The following ZNF680 variants were observed in gnomAD, a reference collection of about 807,000 sequenced individuals.
ZNF680 encodes zinc finger protein 680.
A neutral mutation model predicts 12.1 loss-of-function variants in ZNF680; 6 were observed. That is an observed-to-expected ratio of 0.49 (90% CI 0.27 to 0.98). The LOEUF (loss-of-function observed/expected upper bound fraction) is 0.98, where lower values mean the gene tolerates loss of function less well. Among genes scored for constraint, ZNF680 ranks in the 50% least tolerant of loss-of-function variants. ZNF680 has a pLI of 0.12. For missense variants in ZNF680, 561 were observed against 616.3 expected (o/e 0.91, Z 0.95); for synonymous variants, 170 against 199.3 (o/e 0.85, Z 1.24).
chr7:64,554,343 G>A (rs1434080294), intron 1 of ZNF680, among the ~76,000 whole-genome samples: 1 of 151,842 alleles, frequency 6.6e-6, no homozygotes, highest in Non-Finnish European at 1.5e-5. Flanking sequence ...GAGCTCCTCC[G>A]CCTGGCAGCC....
intron 1 of ZNF680, among the ~76,000 whole-genome samples, chr7:64,553,684 T>G (rs1787207453): frequency 6.6e-6 from 1 of 152,188 alleles, no homozygotes; most frequent in South Asian, 2.1e-4. Context: ...GCAACCTCCC[T>G]GCCTGATTCT....
chr7:64,541,983 T>C (rs1786530625), intron 3 of ZNF680, among the ~76,000 whole-genome samples: 1 of 152,112 alleles, frequency 6.6e-6, no homozygotes, highest in African/African-American at 2.4e-5. Context: ...GCCATACTCA[T>C]CCACATTCTG....
At chr7:64,516,382 G>A (rs575559548), downstream of ZNF680, among the ~76,000 whole-genome samples, 2 of 152,308 alleles carry the variant, frequency 1.3e-5, no homozygotes, top group East Asian at 1.9e-4. Flanking sequence ...AATAGCTCCT[G>A]TAGGACCTGG....
the ZNF680 span, among the ~76,000 whole-genome samples, chr7:64,510,924 A>T: frequency 0.017 from 743 of 44,866 alleles, 152 homozygotes; most frequent in African/African-American, 0.1. Context: ...AAAAAAAATA[A>T]AAAATAAAAA....
the ZNF680 span, chr7:64,501,393 T>C: frequency 8.6e-7 from 1 of 1,167,062 alleles, no homozygotes; most frequent in Non-Finnish European, 1.3e-6. Flanking sequence ...TGAAAGGAGA[T>C]GACCTTTAGG....
At chr7:64,534,020 T>C (rs1584368693) in intron 3 of ZNF680, among the ~76,000 whole-genome samples, 1 of 152,306 alleles carries the variant, frequency 6.6e-6, no homozygotes. Context: ...AAACTCAAGA[T>C]AGATTAAGGA....
intron 3 of ZNF680, 127 bp from the exon 4 acceptor site, chr7:64,522,627 T>C (rs1791609056): frequency 5.5e-6 from 4 of 725,296 alleles, no homozygotes; most frequent in Non-Finnish European, 7.6e-6. Context: ...TAAAAAATCC[T>C]AAAAGTTAAA....
At chr7:64,539,487 G>A (rs1292505951) in intron 3 of ZNF680, among the ~76,000 whole-genome samples, 1 of 150,934 alleles carries the variant, frequency 6.6e-6, no homozygotes. Context: ...GATATCTTAA[G>A]TAGTCACACT....
chr7:64,512,242 G>C, the ZNF680 span, among the ~76,000 whole-genome samples: 1 of 151,754 alleles, frequency 6.6e-6, no homozygotes, highest in Non-Finnish European at 1.5e-5. Context: ...AAGGTCAAGA[G>C]ATCGAGATCA....
Position 64,563,005 on chromosome 7 carries a change from G to C in ZNF680, c.-51C>G, listed in dbSNP as rs1454345682. 1 of 1,603,720 alleles carries C rather than the reference G, an allele frequency of 6.2e-7. No homozygotes were observed. Among genetic ancestry groups the C allele is most frequent in the Admixed American group, 1.7e-5 (1 of 59,896 alleles). On this transcript the variant is annotated 5_prime_UTR_variant, in exon 1 of 4. Transcript: ENST00000309683. ...GCAGATAACGGAGTCACAGAGGCTG[G>C]GCCTCTAGGAGCAGAATACACAGAG...
intron 1 of ZNF680, among the ~76,000 whole-genome samples, chr7:64,560,531 GC>G (rs1159380943): frequency 6.6e-6 from 1 of 152,184 alleles, no homozygotes; most frequent in Non-Finnish European, 1.5e-5. Flanking sequence ...ACCCAGCTAG[GC>G]TGGGTGCGGT....
At chr7:64,555,345 CA>C (rs34359779) in intron 1 of ZNF680, among the ~76,000 whole-genome samples, 30,612 of 147,628 alleles carry the variant, frequency 0.21, 3,403 homozygotes, top group South Asian at 0.29. Context: ...AATTCAATAC[CA>C]AAAAAAAAAA....
At chr7:64,537,471 T>G (rs914796234) in intron 3 of ZNF680, among the ~76,000 whole-genome samples, 2 of 151,870 alleles carry the variant, frequency 1.3e-5, no homozygotes, top group African/African-American at 2.4e-5. Flanking sequence ...AATAGCACAG[T>G]TTTTTTTACA....
At chr7:64,560,827 C>T (rs1436753964) in intron 1 of ZNF680, 1 of 149,274 alleles carries the variant, frequency 6.7e-6, no homozygotes, top group Non-Finnish European at 1.5e-5. Flanking sequence ...AAAAAAATTA[C>T]CCAGCCGTAA....
chr7:64,521,366 T>C lies in ZNF680; in HGVS notation c.1388A>G (p.Lys463Arg), dbSNP rs779682068. The C allele has an allele frequency of 1.2e-6, 2 of 1,613,590 alleles. No individual in the cohort carries two copies. Among genetic ancestry groups the C allele is most frequent in the Non-Finnish European group, 8.5e-7 (1 of 1,179,660 alleles). Residue 463 changes from lysine (K) to arginine (R), a missense_variant, in exon 4 of 4, where the codon AAA (lysine) becomes AGA (arginine). Transcript: ENST00000309683. ...AAAAACATTGCCACATTCATCACATTTGTAGGATTTCTCTCCAGTATGAAT... is the reference window on the plus strand; with the variant it reads ...AAAAACATTGCCACATTCATCACATCTGTAGGATTTCTCTCCAGTATGAAT... Reference protein sequence around the residue: ...KVIHTGEKSYKCDECGNVFNW... With the variant: ...KVIHTGEKSYRCDECGNVFNW...
At chr7:64,526,607 T>C in intron 3 of ZNF680, 1 of 347,406 alleles carries the variant, frequency 2.9e-6, no homozygotes, top group Non-Finnish European at 5.2e-6. Context: ...TATATATAAA[T>C]ATAAAGCTAT....
rs1271772794 is a variant in ZNF680 at position 64,521,152 on chromosome 7, A to C, written c.*9T>G. On this transcript the variant is annotated 3_prime_UTR_variant, in exon 4 of 4. Transcript: ENST00000309683. ...CAACAGGATGGTGTCTTTTATGTTTAGAAAAGTTTTAGGTGTTATCAAAAT... is the reference window on the plus strand; with the variant it reads ...CAACAGGATGGTGTCTTTTATGTTTCGAAAAGTTTTAGGTGTTATCAAAAT... 6.3e-7 allele frequency: 1 copy of C among 1,591,586 alleles called. No individual in the cohort carries two copies. The highest frequency in any genetic ancestry group is 1.4e-5 in the African/African-American group (1 of 73,794).
the ZNF680 span, among the ~76,000 whole-genome samples, chr7:64,508,142 T>TATATATATATATATATATATATATAC: frequency 2.7e-3 from 299 of 112,048 alleles, 15 homozygotes; most frequent in East Asian, 0.023. Flanking sequence ...TATATATATA[T>TATATATATATATATATATATATATAC]ACATAATTTT....
chr7:64,558,964 G>C (rs2116566852), intron 1 of ZNF680, among the ~76,000 whole-genome samples: 1 of 152,016 alleles, frequency 6.6e-6, no homozygotes, highest in African/African-American at 2.4e-5. Flanking sequence ...GCCGGGTGGG[G>C]GAAACAAGAG....
Sources: gnomAD v4.1 joint callset for allele counts (sites outside exome capture counted in the v4.1 genomes callset) on GRCh38, gnomAD v4.1.1 for gene constraint, MANE v1.5 for transcripts, NCBI Gene and HGNC (gene_info 2026-07-23, HGNC 2026-07-21) for gene names.